The following SGCG variants were observed in gnomAD, a reference collection of about 807,000 sequenced individuals.
SGCG encodes sarcoglycan gamma.
A neutral mutation model predicts 29.3 loss-of-function variants in SGCG; 26 were observed. The observed-to-expected ratio is 0.89, with a 90% CI of 0.65 to 1.23. The LOEUF is 1.23. Among genes scored for constraint, SGCG ranks in the 50% most tolerant of loss-of-function variants. The pLI, the probability that SGCG is intolerant of heterozygous loss-of-function variation, is 0.00. For missense variants in SGCG, 353 were observed against 356.0 expected, an observed-to-expected ratio of 0.99 and a Z score of 0.07; for synonymous variants, 145 against 129.7, an observed-to-expected ratio of 1.12 and a Z score of -0.80.
At chr13:23,321,535 A>G (rs1883042368) in intron 7 of SGCG, among the ~76,000 whole-genome samples, 2 of 152,234 alleles carry the variant, frequency 1.3e-5, no homozygotes, top group South Asian at 4.1e-4. Flanking sequence ...CTTGAACACA[A>G]GTACCACAAT....
rs568450264 is a variant in SGCG, at chr13:23,211,983, C to G, written c.195+8094C>G. Reference sequence around the variant, plus strand: ...TCCTTCATGAATGGCTTGGCACCATCCCCTTGGTGCTGTTGTCCTGATAGA... The same window carrying G: ...TCCTTCATGAATGGCTTGGCACCATGCCCTTGGTGCTGTTGTCCTGATAGA... On this transcript the variant is annotated intron_variant, in intron 2 of 7. Coordinates refer to ENST00000218867, the MANE Select transcript of SGCG (RefSeq NM_000231.3). Among the ~76,000 whole-genome samples the G allele has an allele frequency of 1.4e-3, 208 of 152,192 alleles. 1 individual carries two copies. Among genetic ancestry groups the G allele is most frequent in the Admixed American group, 2.5e-3 (38 of 15,282 alleles).
intron 2 of SGCG, among the ~76,000 whole-genome samples, chr13:23,224,680 A>C (rs10161927): frequency 0.1 from 15,776 of 150,640 alleles, 987 homozygotes; most frequent in Middle Eastern, 0.15. Flanking sequence ...ACACACACAC[A>C]CCCCACACCA....
intron 4 of SGCG, among the ~76,000 whole-genome samples, chr13:23,258,960 T>C (rs1423738482): frequency 2.6e-5 from 4 of 152,222 alleles, no homozygotes; most frequent in Non-Finnish European, 5.9e-5. Context: ...AGTATTTTAT[T>C]GAGGATTTTT....
At chr13:23,295,522 C>T (rs1881873710) in intron 6 of SGCG, 35 bp downstream of exon 6, 2 of 1,383,370 alleles carry the variant, frequency 1.4e-6, no homozygotes, top group Admixed American at 1.7e-5. Flanking sequence ...ACAACCTCTC[C>T]TGTAGAAGAC....
At chr13:23,214,892 G>A (rs1302312377) in intron 2 of SGCG, among the ~76,000 whole-genome samples, 1 of 152,128 alleles carries the variant, frequency 6.6e-6, no homozygotes, top group Non-Finnish European at 1.5e-5. Flanking sequence ...ATATTATTAG[G>A]ACTGAGTTTG....
intron 1 of SGCG, among the ~76,000 whole-genome samples, chr13:23,197,952 A>G (rs980334268): frequency 3.3e-5 from 5 of 151,626 alleles, no homozygotes; most frequent in Admixed American, 1.3e-4. Context: ...GTCCCAATGG[A>G]AAAAAAAAGA....
At chr13:23,191,427 T>C (rs1877244715) in intron 1 of SGCG, among the ~76,000 whole-genome samples, 2 of 152,262 alleles carry the variant, frequency 1.3e-5, no homozygotes, top group East Asian at 1.9e-4. Context: ...GAAAGAAACA[T>C]GACTCCATGG....
intron 6 of SGCG, among the ~76,000 whole-genome samples, chr13:23,314,975 T>TG (rs1307730527): frequency 1.3e-5 from 2 of 152,184 alleles, no homozygotes; most frequent in African/African-American, 4.8e-5. Context: ...AACACGAGAA[T>TG]GCTCTGCCAC....
intron 6 of SGCG, among the ~76,000 whole-genome samples, chr13:23,302,820 G>A (rs536222112): frequency 9.9e-5 from 15 of 152,240 alleles, no homozygotes; most frequent in African/African-American, 3.4e-4. Flanking sequence ...TCAAGATCAG[G>A]CATCAATATC....
At chr13:23,160,626 G>T in the SGCG span, among the ~76,000 whole-genome samples, 1 of 152,120 alleles carries the variant, frequency 6.6e-6, no homozygotes, top group South Asian at 2.1e-4. Context: ...TTGCGCCCCG[G>T]GACTCCAAGA....
At chr13:23,300,000 G>T (rs1448774753) in intron 6 of SGCG, among the ~76,000 whole-genome samples, 1 of 152,152 alleles carries the variant, frequency 6.6e-6, no homozygotes, top group Admixed American at 6.5e-5. Flanking sequence ...TATGATAAAA[G>T]TACAACTTCT....
At chr13:23,261,915 A>G (rs1195669507) in intron 4 of SGCG, among the ~76,000 whole-genome samples, 1 of 152,156 alleles carries the variant, frequency 6.6e-6, no homozygotes, top group South Asian at 2.1e-4. Context: ...AGTAAGTTTC[A>G]TAAATGAAGG....
intron 6 of SGCG, among the ~76,000 whole-genome samples, chr13:23,317,754 C>G (rs1406746390): frequency 6.6e-6 from 1 of 152,002 alleles, no homozygotes; most frequent in Non-Finnish European, 1.5e-5. Flanking sequence ...ACCTTATTAT[C>G]TTTATTTGAA....
At chr13:23,252,052 A>G (rs1879988813) in intron 4 of SGCG, among the ~76,000 whole-genome samples, 1 of 152,158 alleles carries the variant, frequency 6.6e-6, no homozygotes, top group Non-Finnish European at 1.5e-5. Context: ...TTTGGCCTGG[A>G]AGTTTTGTTT....
intron 4 of SGCG, among the ~76,000 whole-genome samples, chr13:23,254,083 C>A (rs1880085509): frequency 6.6e-6 from 1 of 152,150 alleles, no homozygotes; most frequent in African/African-American, 2.4e-5. Context: ...AAAATTGGTA[C>A]TGAGGAGTGA....
chr13:23,241,551 A>G (rs9578559), intron 3 of SGCG, among the ~76,000 whole-genome samples: 22,016 of 152,226 alleles, frequency 0.14, 1,933 homozygotes, highest in African/African-American at 0.24. Flanking sequence ...TTAAAGAAGA[A>G]TTAATACCAG....
intron 7 of SGCG, among the ~76,000 whole-genome samples, chr13:23,323,982 T>G (rs933476651): frequency 5.3e-5 from 8 of 152,144 alleles, no homozygotes; most frequent in African/African-American, 1.9e-4. Context: ...TTCTAATATG[T>G]TTGACAAATA....
chr13:23,233,511 G>T (rs1334228903), intron 2 of SGCG, among the ~76,000 whole-genome samples: 1 of 152,056 alleles, frequency 6.6e-6, no homozygotes, highest in Non-Finnish European at 1.5e-5. Flanking sequence ...TGGTTGCCAG[G>T]TGGTTGGGTG....
intron 3 of SGCG, among the ~76,000 whole-genome samples, chr13:23,250,354 A>G (rs1879913102): frequency 6.6e-6 from 1 of 151,678 alleles, no homozygotes; most frequent in African/African-American, 2.4e-5. Context: ...GTTAAATTGC[A>G]TATTTGTCTA....
Sources: gnomAD v4.1 joint callset for allele counts (sites outside exome capture counted in the v4.1 genomes callset) on GRCh38, gnomAD v4.1.1 for gene constraint, MANE v1.5 for transcripts, NCBI Gene and HGNC (gene_info 2026-07-23, HGNC 2026-07-21) for gene names.